SARAF: variants seen among roughly 807,000 people sequenced by gnomAD.
SARAF encodes store-operated calcium entry associated regulatory factor.
SARAF carries 23 observed loss-of-function variants against 39.7 expected under a neutral mutation model. That is an observed-to-expected ratio of 0.58 (90% CI 0.42 to 0.82). SARAF has a LOEUF of 0.82. Ranked by LOEUF, SARAF falls within the 40% of genes least tolerant of loss-of-function variation. The pLI, the probability that SARAF is intolerant of heterozygous loss-of-function variation, is 0.00. For synonymous variants in SARAF, 175 were observed against 168.5 expected (o/e 1.04, Z -0.30); for missense variants, 384 against 418.5 (o/e 0.92, Z 0.72).
chr8:30,079,258 G>A (rs1196628440), intron 1 of SARAF, among the ~76,000 whole-genome samples: 6 of 151,188 alleles, frequency 4.0e-5, no homozygotes, highest in African/African-American at 1.5e-4. Context: ...AATAAATCAA[G>A]ATACATTTGG....
intron 3 of SARAF, among the ~76,000 whole-genome samples, chr8:30,069,267 G>A (rs1248357892): frequency 2.0e-5 from 3 of 148,568 alleles, no homozygotes; most frequent in Non-Finnish European, 4.4e-5. Flanking sequence ...AGTCTCCCAA[G>A]CAGCTGGAAT....
rs150997599 is a variant in SARAF at position 30,066,064 on chromosome 8, A to T, written c.918T>A (p.Ala306=). 6.2e-7 allele frequency: 1 copy of T among 1,614,132 alleles called. No individual in the cohort carries two copies. Among genetic ancestry groups the T allele is most frequent in the African/African-American group, 1.3e-5 (1 of 75,032 alleles). Residue 306 remains alanine (A), a synonymous_variant, in exon 5 of 6, where the codon GCT becomes GCA. Transcript: ENST00000256255. ...PPSYPGTWNR[A]YSPLHGGSGS... ...CCGAGCCTCCATGAAGGGGTGAGTA[A>T]GCCCTATTCCACGTGCCAGGGTAGG...
At chr8:30,068,239 C>G (rs113942945) in intron 3 of SARAF, among the ~76,000 whole-genome samples, 5 of 152,310 alleles carry the variant, frequency 3.3e-5, no homozygotes, top group African/African-American at 1.2e-4. Context: ...CCATCACTTG[C>G]ATTACTACCT....
rs146757248 is a variant in SARAF, at chr8:30,080,521, A to C, written c.103+2326T>G. 1.8e-3 allele frequency among the ~76,000 whole-genome samples: 278 copies of C among 152,336 alleles called. 3 individuals carry two copies. The highest frequency in any genetic ancestry group is 3.4e-3 in the Middle Eastern group (1 of 294). ...TGCATACCAATTTTCACAATATAGC[A>C]TGTTATTTACATGTTTATCTGTTTA... On this transcript the variant is annotated intron_variant, in intron 1 of 5. Coordinates refer to ENST00000256255, the MANE Select transcript of SARAF (RefSeq NM_016127.6).
intron 4 of SARAF, 127 bp from the exon 5 acceptor site, chr8:30,066,266 A>G: frequency 3.1e-6 from 3 of 978,458 alleles, no homozygotes; most frequent in Non-Finnish European, 4.5e-6. Context: ...GTTCTGGTAT[A>G]TCAGAGTTAA....
intron 1 of SARAF, 26 bp downstream of exon 1, chr8:30,082,821 C>T: frequency 3.5e-6 from 5 of 1,419,446 alleles, no homozygotes; most frequent in Non-Finnish European, 4.7e-6. Context: ...GCGAACGAAG[C>T]GCCTGAGGGC....
rs757340655 is a variant in SARAF at position 30,069,726 on chromosome 8, C to CA, written c.615dup (p.Glu206Ter). 1 of 1,613,986 alleles carries CA rather than the reference C, an allele frequency of 6.2e-7. No individual in the cohort carries two copies. The highest frequency in any genetic ancestry group is 1.3e-5 in the African/African-American group (1 of 74,894). The stretch of plus-strand genomic sequence containing the variant: ...TAACGGTGGGAAAATGGAGGATACT[C>CA]AGAGTACGGTGGAGGAGAATACTGC... On this transcript the variant is annotated frameshift_variant, in exon 3 of 6. Coordinates refer to ENST00000256255, the MANE Select transcript of SARAF (RefSeq NM_016127.6). LOFTEE classifies it high-confidence loss of function.
At chr8:30,079,307 A>C (rs1247351451) in intron 1 of SARAF, among the ~76,000 whole-genome samples, 1 of 152,180 alleles carries the variant, frequency 6.6e-6, no homozygotes. Context: ...AATTTAGTGG[A>C]TAAAAGATGT....
At chr8:30,068,162 A>G (rs1229502601) in intron 3 of SARAF, among the ~76,000 whole-genome samples, 2 of 152,146 alleles carry the variant, frequency 1.3e-5, no homozygotes, top group Non-Finnish European at 2.9e-5. Context: ...TTAGGAACTG[A>G]GCCACACAGC....
Position 30,075,993 on chromosome 8 carries a change from AAAAAAAAAAAAC to A in SARAF, c.104-1950_104-1939del, listed in dbSNP as rs1563356229. 6.8e-3 allele frequency among the ~76,000 whole-genome samples: 992 copies of A among 146,800 alleles called. 125 individuals are homozygous for A. Among genetic ancestry groups the A allele is most frequent in the African/African-American group, 0.024 (947 of 39,826 alleles). ...ATAACAGAATCCCTAAAAAAAAACA[AAAAAAAAAAAAC>A]AAAAAACGGGAAATGGCAGCTCTGG... On this transcript the variant is annotated intron_variant, in intron 1 of 5. Coordinates refer to ENST00000256255, the MANE Select transcript of SARAF (RefSeq NM_016127.6).
Position 30,082,623 on chromosome 8 carries a change from CAGCCGTCCCGCCCCGCCCACTCG to C in SARAF, c.103+201_103+223del, listed in dbSNP as rs1802131918. On this transcript the variant is annotated intron_variant, in intron 1 of 5. Coordinates refer to ENST00000256255, the MANE Select transcript of SARAF (RefSeq NM_016127.6). ...GGAGAAAGGGGACCTTAAGGATCTC[CAGCCGTCCCGCCCCGCCCACTCG>C]AGCAGTCCCTACCCGCCTCCCAAGA... The C allele has an allele frequency of 7.3e-5, 33 of 453,610 alleles. No individual in the cohort carries two copies. In the South Asian group the frequency reaches 1.1e-3, roughly 16 times the overall value. The allele number at this position is 453,610 out of a possible 1,614,324, so 28.1% of individuals were successfully genotyped here.
intron 3 of SARAF, among the ~76,000 whole-genome samples, chr8:30,068,502 CATAA>C (rs1421739114): frequency 4.6e-5 from 7 of 152,140 alleles, no homozygotes; most frequent in African/African-American, 7.2e-5. Context: ...GTAATAACAA[CATAA>C]ATAAAGTACA....
intron 3 of SARAF, among the ~76,000 whole-genome samples, chr8:30,068,289 C>T (rs138009007): frequency 6.6e-6 from 1 of 152,238 alleles, no homozygotes; most frequent in African/African-American, 2.4e-5. Flanking sequence ...GCATTAGATT[C>T]TCATAGGAGC....
chr8:30,071,696 G>A (rs1318799805), intron 2 of SARAF, among the ~76,000 whole-genome samples: 1 of 152,180 alleles, frequency 6.6e-6, no homozygotes, highest in African/African-American at 2.4e-5. Context: ...TCACAGGAAT[G>A]TAATAATACA....
In SARAF at chr8:30,073,802, A is replaced by C. The variant is rs1801897167; in HGVS notation, c.282+75T>G. ...ATTTCCGTAGGTGCACCCTCAAAAG[A>C]CTGAATAATGTCCCAATAAACAATT... On this transcript the variant is annotated intron_variant, in intron 2 of 5. Transcript: ENST00000256255. 1.4e-5 allele frequency: 19 copies of C among 1,354,708 alleles called. No individual in the cohort carries two copies. The South Asian group carries it at 2.3e-4, about 16-fold the overall frequency. The allele number at this position is 1,354,708 out of a possible 1,614,324, so 83.9% of individuals were successfully genotyped here. A position where few individuals can be genotyped will look rare whatever the true frequency, so the allele number is the denominator to read the frequency against.
chr8:30,080,400 T>C (rs1169304921), intron 1 of SARAF, among the ~76,000 whole-genome samples: 1 of 152,234 alleles, frequency 6.6e-6, no homozygotes, highest in Non-Finnish European at 1.5e-5. Flanking sequence ...CAGTCAAATG[T>C]CACCCTAACA....
intron 1 of SARAF, among the ~76,000 whole-genome samples, chr8:30,082,025 T>C (rs2117447994): frequency 6.6e-6 from 1 of 152,258 alleles, no homozygotes; most frequent in South Asian, 2.1e-4. Context: ...TGTACATCAC[T>C]GCAATCGTCA....
chr8:30,063,616 A>G lies in SARAF; in HGVS notation c.*272T>C. 2.1e-6 allele frequency: 1 copy of G among 483,424 alleles called. No individual in the cohort carries two copies. Among genetic ancestry groups the G allele is most frequent in the South Asian group, 2.8e-5 (1 of 35,088 alleles). 29.9% of individuals were successfully genotyped at this position (483,424 alleles called of 1,614,324 possible). On this transcript the variant is annotated 3_prime_UTR_variant, in exon 6 of 6. Transcript: ENST00000256255. ...TAGGGCATCACAGGTTTTAGAAATT[A>G]ATGTATTTTTAGCATTCCACAGTAA... is the stretch of plus-strand genomic sequence containing the variant.
chr8:30,074,075 G>C lies in SARAF; in HGVS notation c.104-20C>G. 6.2e-7 allele frequency: 1 copy of C among 1,604,210 alleles called. No homozygotes were observed. The highest frequency in any genetic ancestry group is 8.5e-7 in the Non-Finnish European group (1 of 1,173,060). On this transcript the variant is annotated intron_variant, in intron 1 of 5. Coordinates refer to ENST00000256255, the MANE Select transcript of SARAF (RefSeq NM_016127.6). ...TTCTGTCTGAAACAGCAAGAAAACA[G>C]AGGAACACAAAGTAAGTATCGTGTC...
Sources: gnomAD v4.1 joint callset for allele counts (sites outside exome capture counted in the v4.1 genomes callset) on GRCh38, gnomAD v4.1.1 for gene constraint, MANE v1.5 for transcripts, NCBI Gene and HGNC (gene_info 2026-07-23, HGNC 2026-07-21) for gene names.